The following PDE11A variants were observed in gnomAD, a reference collection of about 807,000 sequenced individuals.
PDE11A encodes the protein phosphodiesterase 11A.
In PDE11A, 100 loss-of-function variants were observed where a neutral mutation model predicts 100.5. The ratio of observed to expected loss-of-function variants is 1.00; its 90% CI spans 0.85 to 1.18. The LOEUF (loss-of-function observed/expected upper bound fraction) is 1.18. Among genes scored for constraint, PDE11A ranks in the 50% most tolerant of loss-of-function variants. PDE11A has a pLI of 0.00. For synonymous variants in PDE11A, 381 were observed against 420.8 expected, an observed-to-expected ratio of 0.91 and a Z score of 1.16; for missense variants, 1,141 against 1,152.6, an observed-to-expected ratio of 0.99 and a Z score of 0.15.
At chr2:177,909,180 T>C (rs956821457) in intron 2 of PDE11A, among the ~76,000 whole-genome samples, 2 of 152,210 alleles carry the variant, frequency 1.3e-5, no homozygotes, top group Non-Finnish European at 2.9e-5. Flanking sequence ...TATCCTTTAG[T>C]GGAGATGAAA....
At chr2:177,765,546 A>G (rs955689167) in intron 10 of PDE11A, among the ~76,000 whole-genome samples, 3 of 152,204 alleles carry the variant, frequency 2.0e-5, no homozygotes, top group Admixed American at 1.3e-4. Flanking sequence ...CTGGTCACAC[A>G]GGTAGGAAGG....
At chr2:177,784,889 G>C (rs1290711593) in intron 9 of PDE11A, among the ~76,000 whole-genome samples, 2 of 152,220 alleles carry the variant, frequency 1.3e-5, no homozygotes, top group Non-Finnish European at 1.5e-5. Flanking sequence ...GTCTGAACTT[G>C]TTCTCTCCCT....
At chr2:177,701,639 G>A (rs533158287) in intron 13 of PDE11A, among the ~76,000 whole-genome samples, 4 of 152,322 alleles carry the variant, frequency 2.6e-5, no homozygotes, top group African/African-American at 9.6e-5. Flanking sequence ...TGGCTCCGGG[G>A]ATCAGGGAAG....
intron 9 of PDE11A, among the ~76,000 whole-genome samples, chr2:177,811,972 A>G (rs2082955869): frequency 6.6e-6 from 1 of 152,204 alleles, no homozygotes; most frequent in Non-Finnish European, 1.5e-5. Flanking sequence ...CGAAAAAATT[A>G]TAGCTCCCCA....
chr2:178,004,732 A>C (rs893716190), intron 2 of PDE11A, among the ~76,000 whole-genome samples: 8 of 152,144 alleles, frequency 5.3e-5, no homozygotes, highest in African/African-American at 1.9e-4. Context: ...TGGATGTATC[A>C]GTCCCTTAAA....
At position 177,695,220 on chromosome 2, in the gene PDE11A, T is replaced by C. The variant is rs534700093; in HGVS notation, c.2345+2112A>G. Among the ~76,000 whole-genome samples, 7 of 152,248 alleles carry C rather than the reference T, an allele frequency of 4.6e-5. No individual in the cohort carries two copies. The South Asian group carries it at 1.5e-3, about 32-fold the overall frequency. ...GATACATAATATTTATACATATTTA[T>C]TGGGTACATATGACATTTTGTTACA... On this transcript the variant is annotated intron_variant, in intron 15 of 19. Transcript: ENST00000286063.
intron 13 of PDE11A, 132 bp from the exon 14 acceptor site, chr2:177,701,343 T>C: frequency 2.9e-6 from 2 of 698,838 alleles, no homozygotes; most frequent in Non-Finnish European, 2.7e-6. Context: ...ACTGCTTTTG[T>C]AGTCCATTCA....
rs2079818431 is a variant in PDE11A at position 177,625,466 on chromosome 2, G to T, written c.*3941C>A. ...GGCACCCTTTGCAGTATGTGAAGCTGTCCCTACCCACCAGGATTGCCACTA... is the reference window on the plus strand; with the variant it reads ...GGCACCCTTTGCAGTATGTGAAGCTTTCCCTACCCACCAGGATTGCCACTA... On this transcript the variant is annotated 3_prime_UTR_variant, in exon 20 of 20. Coordinates refer to ENST00000286063, the MANE Select transcript of PDE11A (RefSeq NM_016953.4). 2.6e-5 allele frequency: 4 copies of T among 152,532 alleles called. No individual in the cohort carries two copies. In the South Asian group the frequency reaches 8.3e-4, roughly 32 times the overall value. The allele number at this position is 152,532 out of a possible 1,614,324, so 9.4% of individuals were successfully genotyped here. A position where few individuals can be genotyped will look rare whatever the true frequency, so the allele number is the denominator to read the frequency against.
At chr2:177,809,054 G>A (rs577415106) in intron 9 of PDE11A, among the ~76,000 whole-genome samples, 1 of 152,282 alleles carries the variant, frequency 6.6e-6, no homozygotes, top group South Asian at 2.1e-4. Context: ...GAGGTAGCTA[G>A]AGTAGTCAAA....
chr2:177,762,400 T>A (rs918855604), intron 10 of PDE11A, among the ~76,000 whole-genome samples: 2 of 152,094 alleles, frequency 1.3e-5, no homozygotes, highest in Non-Finnish European at 2.9e-5. Flanking sequence ...AGAGGAAAAC[T>A]AAAAAGAAGA....
chr2:177,667,744 T>C (rs1289020368), intron 18 of PDE11A, among the ~76,000 whole-genome samples: 1 of 152,188 alleles, frequency 6.6e-6, no homozygotes, highest in Non-Finnish European at 1.5e-5. Context: ...GTCTTACTCA[T>C]TGCTGGAAAC....
intron 2 of PDE11A, among the ~76,000 whole-genome samples, chr2:177,935,635 C>A (rs1204182174): frequency 6.6e-6 from 1 of 152,130 alleles, no homozygotes; most frequent in Non-Finnish European, 1.5e-5. Context: ...CAGCTGGAGG[C>A]CATGTCCTGA....
chr2:177,674,106 A>G (rs7593753), intron 17 of PDE11A, among the ~76,000 whole-genome samples: 131,274 of 152,218 alleles, frequency 0.86, 56,725 homozygotes, highest in East Asian at 0.98. Flanking sequence ...GAAGGAACCC[A>G]TAACACACTG....
chr2:177,736,540 G>A (rs1044221389), intron 10 of PDE11A, among the ~76,000 whole-genome samples: 1 of 151,728 alleles, frequency 6.6e-6, no homozygotes, highest in Non-Finnish European at 1.5e-5. Context: ...AAAAAAGAAA[G>A]GGAGGAGGAA....
chr2:177,662,043 C>T (rs1334770344), intron 19 of PDE11A, among the ~76,000 whole-genome samples: 1 of 152,172 alleles, frequency 6.6e-6, no homozygotes, highest in African/African-American at 2.4e-5. Context: ...TGTGAAAAAT[C>T]AGGACGATAT....
At chr2:177,942,922 A>G (rs918169501) in intron 2 of PDE11A, among the ~76,000 whole-genome samples, 1 of 152,038 alleles carries the variant, frequency 6.6e-6, no homozygotes, top group Non-Finnish European at 1.5e-5. Context: ...TTCTGTTTCT[A>G]TGAATTCAAC....
chr2:177,773,828 G>A (rs767790190), intron 9 of PDE11A, among the ~76,000 whole-genome samples: 5 of 152,160 alleles, frequency 3.3e-5, no homozygotes, highest in South Asian at 2.1e-4. Flanking sequence ...GAAGGACTGG[G>A]CCCTATTGCT....
chr2:177,804,002 T>C (rs1369218442), intron 9 of PDE11A, among the ~76,000 whole-genome samples: 1 of 151,930 alleles, frequency 6.6e-6, no homozygotes, highest in Non-Finnish European at 1.5e-5. Context: ...CCTCAAATTA[T>C]AAAAATCTCA....
intron 2 of PDE11A, among the ~76,000 whole-genome samples, chr2:177,959,082 C>T (rs528942339): frequency 6.6e-5 from 10 of 152,130 alleles, no homozygotes; most frequent in East Asian, 3.9e-4. Context: ...TGAAGGTCAA[C>T]GGACTAATTT....
Sources: allele counts gnomAD v4.1 joint callset (sites outside exome capture counted in the v4.1 genomes callset), GRCh38; gene constraint gnomAD v4.1.1; transcripts MANE v1.5; gene names NCBI Gene and HGNC (gene_info 2026-07-23, HGNC 2026-07-21).